Variants in DOCK2 observed in about 807,000 individuals in gnomAD.
The protein encoded by DOCK2 is dedicator of cytokinesis 2, also known as dedicator of cytokinesis protein 2.
DOCK2 carries 87 observed loss-of-function variants against 248.9 expected under a neutral mutation model. That is an observed-to-expected ratio of 0.35 (90% CI 0.29 to 0.42). DOCK2 has a LOEUF of 0.42. Among genes scored for constraint, DOCK2 ranks in the 10% least tolerant of loss-of-function variants. DOCK2 has a pLI of 1.00. For missense variants in DOCK2, 1,747 were observed against 2,300.2 expected, an observed-to-expected ratio of 0.76 and a Z score of 4.92; for synonymous variants, 805 against 821.6, an observed-to-expected ratio of 0.98 and a Z score of 0.35.
intron 26 of DOCK2, among the ~76,000 whole-genome samples, chr5:169,808,668 G>A (rs1225527410): frequency 6.6e-6 from 1 of 152,156 alleles, no homozygotes; most frequent in African/African-American, 2.4e-5. Flanking sequence ...TCTGTGCTTT[G>A]CTGGCTGCCG....
intron 34 of DOCK2, among the ~76,000 whole-genome samples, chr5:170,028,767 A>ACG (rs1356135734): frequency 2.7e-5 from 4 of 150,760 alleles, no homozygotes; most frequent in Admixed American, 2.6e-4. Context: ...ACACACACAC[A>ACG]CGCGTGCGCA....
chr5:169,927,333 C>G (rs1352316335), intron 27 of DOCK2, among the ~76,000 whole-genome samples: 1 of 152,132 alleles, frequency 6.6e-6, no homozygotes, highest in African/African-American at 2.4e-5. Context: ...TTCTCAAGCT[C>G]TATCATGAAT....
At chr5:169,926,321 G>A (rs763735786) in intron 27 of DOCK2, among the ~76,000 whole-genome samples, 11 of 152,116 alleles carry the variant, frequency 7.2e-5, no homozygotes, top group Non-Finnish European at 1.2e-4. Flanking sequence ...GCATAGGATG[G>A]CACTGTTCTT....
chr5:169,677,278 A>G (rs1477170197), intron 6 of DOCK2, among the ~76,000 whole-genome samples: 2 of 152,190 alleles, frequency 1.3e-5, no homozygotes, highest in Non-Finnish European at 2.9e-5. Flanking sequence ...GACCCTTCCT[A>G]ACTCTGATTT....
chr5:170,058,361 A>G (rs1436039869), intron 44 of DOCK2, among the ~76,000 whole-genome samples: 5 of 152,234 alleles, frequency 3.3e-5, no homozygotes, highest in South Asian at 4.1e-4. Context: ...AGATTCTGCA[A>G]TGGAGCTTCC....
chr5:169,870,379 G>C (rs1771878003), intron 27 of DOCK2, among the ~76,000 whole-genome samples: 1 of 152,132 alleles, frequency 6.6e-6, no homozygotes, highest in Non-Finnish European at 1.5e-5. Context: ...GAAACAGTGA[G>C]TAACAAATAG....
At chr5:169,923,556 A>G (rs1775289007) in intron 27 of DOCK2, among the ~76,000 whole-genome samples, 1 of 152,176 alleles carries the variant, frequency 6.6e-6, no homozygotes, top group African/African-American at 2.4e-5. Context: ...CTGTAGGCCC[A>G]TATTCATTCC....
intron 1 of DOCK2, 53 bp downstream of exon 1, chr5:169,637,422 C>G (rs1215639060): frequency 9.2e-6 from 12 of 1,307,326 alleles, no homozygotes; most frequent in Admixed American, 8.2e-5. Context: ...GCGGGAGAGC[C>G]GCGAGCAGGA....
intron 27 of DOCK2, among the ~76,000 whole-genome samples, chr5:169,851,502 G>T (rs1353286068): frequency 2.0e-5 from 3 of 152,148 alleles, no homozygotes; most frequent in Non-Finnish European, 4.4e-5. Context: ...CTTTGCTATG[G>T]GTAGGGAGTG....
rs374963574 is a variant in DOCK2 at position 170,038,845 on chromosome 5, C to G, written c.3666-2210C>G. On this transcript the variant is annotated intron_variant, in intron 36 of 51. Coordinates refer to ENST00000520908, the MANE Select transcript of DOCK2 (RefSeq NM_004946.3). ...AGTAGCAGGGAAGCTCTCCCCTGGGCTGCTCTCCCCAGGTTTTTTGAACTC... is the reference window on the plus strand; with the variant it reads ...AGTAGCAGGGAAGCTCTCCCCTGGGGTGCTCTCCCCAGGTTTTTTGAACTC... Among the ~76,000 whole-genome samples, 239 of 152,210 alleles carry G rather than the reference C, an allele frequency of 1.6e-3. 1 individual carries two copies. The highest frequency in any genetic ancestry group is 6.8e-3 in the Middle Eastern group (2 of 294).
intron 27 of DOCK2, among the ~76,000 whole-genome samples, chr5:169,981,838 T>A (rs144588918): frequency 1.3e-5 from 2 of 152,342 alleles, no homozygotes; most frequent in East Asian, 3.9e-4. Flanking sequence ...AACATAATGC[T>A]ATTGCATACT....
intron 25 of DOCK2, among the ~76,000 whole-genome samples, chr5:169,762,260 T>C (rs1764529377): frequency 6.6e-6 from 1 of 152,218 alleles, no homozygotes; most frequent in Non-Finnish European, 1.5e-5. Flanking sequence ...ACTCTGTGGA[T>C]GTGGAATCAA....
At chr5:169,754,867 G>A (rs915763309) in intron 23 of DOCK2, among the ~76,000 whole-genome samples, 1 of 152,026 alleles carries the variant, frequency 6.6e-6, no homozygotes, top group Non-Finnish European at 1.5e-5. Flanking sequence ...ATGAGATCAT[G>A]CATGTAAAGT....
chr5:169,864,423 G>A (rs527344873), intron 27 of DOCK2: 7 of 1,549,196 alleles, frequency 4.5e-6, no homozygotes, highest in Non-Finnish European at 6.1e-6. Context: ...AAACTTCATG[G>A]AACCTGCCTT....
At chr5:170,082,407 T>C (rs1758066357) in intron 51 of DOCK2, among the ~76,000 whole-genome samples, 1 of 152,220 alleles carries the variant, frequency 6.6e-6, no homozygotes, top group African/African-American at 2.4e-5. Context: ...GAAGGTACCA[T>C]AACACATCTG....
chr5:169,943,424 A>T (rs987573001), intron 27 of DOCK2, among the ~76,000 whole-genome samples: 2 of 152,096 alleles, frequency 1.3e-5, no homozygotes, highest in African/African-American at 4.8e-5. Flanking sequence ...CCAGACTTTT[A>T]AAAAATGTGA....
chr5:169,994,043 T>A (rs1452832428), intron 29 of DOCK2, among the ~76,000 whole-genome samples: 1 of 152,210 alleles, frequency 6.6e-6, no homozygotes, highest in African/African-American at 2.4e-5. Context: ...AATAGAATTG[T>A]CCTTAACTTA....
intron 26 of DOCK2, among the ~76,000 whole-genome samples, chr5:169,808,438 G>A (rs113139745): frequency 6.6e-6 from 1 of 151,232 alleles, no homozygotes; most frequent in African/African-American, 2.4e-5. Flanking sequence ...GACTCAGGGG[G>A]AGATGTCTGC....
chr5:169,983,154 C>T lies in DOCK2; in HGVS notation c.2886C>T (p.Ser962=), dbSNP rs553948305. The change falls in exon 28 of 52, where the codon AGC becomes AGT. Residue 962 remains serine (S), a synonymous_variant. Transcript: ENST00000520908. ...TCTACATTGAGACCTTCCAGACCAG[C>T]TCTGAACTTGTGGTGAGTCTGCAGG... ...YSFYIETFQT[S]SELVDFLMET... 3 of 1,614,074 alleles carry T rather than the reference C, an allele frequency of 1.9e-6. No homozygotes were observed. The highest frequency in any genetic ancestry group is 2.5e-6 in the Non-Finnish European group (3 of 1,179,914).
Sources: gnomAD v4.1 joint callset for allele counts (sites outside exome capture counted in the v4.1 genomes callset) on GRCh38, gnomAD v4.1.1 for gene constraint, MANE v1.5 for transcripts, NCBI Gene and HGNC (gene_info 2026-07-23, HGNC 2026-07-21) for gene names.